Variants in C5 observed in about 807,000 individuals in gnomAD.
C5 encodes complement C5.
In C5, 140 loss-of-function variants were observed where a neutral mutation model predicts 218.8. That is an observed-to-expected ratio of 0.64 (90% CI 0.56 to 0.74). The LOEUF is 0.74. Among genes scored for constraint, C5 ranks in the 30% least tolerant of loss-of-function variants. The pLI is 0.00. For missense variants in C5, 1,700 were observed against 1,969.6 expected, an observed-to-expected ratio of 0.86 and a Z score of 2.59; for synonymous variants, 614 against 682.3, an observed-to-expected ratio of 0.90 and a Z score of 1.56.
intron 35 of C5, 53 bp downstream of exon 35, chr9:120,962,840 T>C: frequency 1.2e-6 from 2 of 1,600,310 alleles, no homozygotes; most frequent in Non-Finnish European, 1.7e-6. Flanking sequence ...TCTTTTAGCC[T>C]GTATATTTTG....
At chr9:120,982,012 T>C (rs1315786674) in intron 26 of C5, 73 bp from the exon 27 acceptor site, 8 of 1,031,188 alleles carry the variant, frequency 7.8e-6, no homozygotes, top group Admixed American at 1.8e-5. Flanking sequence ...TTCTACTCTG[T>C]TTTTTGTTTG....
intron 31 of C5, 79 bp from the exon 32 acceptor site, chr9:120,970,330 G>T: frequency 1.1e-6 from 1 of 881,566 alleles, no homozygotes; most frequent in Non-Finnish European, 1.9e-6. Context: ...CACTGCTGCT[G>T]CAGATGGGAT....
In C5 at chr9:120,962,627, T is replaced by C. The variant is rs528221911; in HGVS notation, c.4504+44A>G. ...GGATTTCTAAATGTTCTGGAAAGAATACAAAGTATTCTTCTGAAGAAATGT... is the reference window on the plus strand; with the variant it reads ...GGATTTCTAAATGTTCTGGAAAGAACACAAAGTATTCTTCTGAAGAAATGT... On this transcript the variant is annotated intron_variant, in intron 36 of 40. Transcript: ENST00000223642. The C allele has an allele frequency of 5.1e-6, 7 of 1,385,376 alleles. No individual in the cohort carries two copies. The African/African-American group carries it at 7.1e-5, about 14-fold the overall frequency. 85.8% of individuals were successfully genotyped at this position (1,385,376 alleles called of 1,614,324 possible).
chr9:120,959,483 ACTC>A, intron 38 of C5, among the ~76,000 whole-genome samples: 1 of 148,600 alleles, frequency 6.7e-6, no homozygotes, highest in Admixed American at 6.7e-5. Context: ...CTGGTCTCAA[ACTC>A]CTGACCTCAG....
At chr9:121,073,511 C>CTTTTTTTTTTTT in the C5 span, among the ~76,000 whole-genome samples, 1 of 73,006 alleles carries the variant, frequency 1.4e-5, no homozygotes, top group Non-Finnish European at 2.6e-5. Flanking sequence ...GAAAACTGGA[C>CTTTTTTTTTTTT]TTTTTTTTTT....
the C5 span, among the ~76,000 whole-genome samples, chr9:121,070,941 C>G: frequency 6.6e-6 from 1 of 152,118 alleles, no homozygotes; most frequent in South Asian, 2.1e-4. Context: ...ATTACTCCAA[C>G]CACTATACAT....
chr9:121,064,090 T>A, the C5 span, among the ~76,000 whole-genome samples: 3 of 152,204 alleles, frequency 2.0e-5, no homozygotes, highest in Non-Finnish European at 4.4e-5. Flanking sequence ...ATTTTACTTA[T>A]TCACTTTGTT....
the C5 span, among the ~76,000 whole-genome samples, chr9:121,055,989 C>T: frequency 6.6e-6 from 1 of 152,212 alleles, no homozygotes; most frequent in Admixed American, 6.5e-5. Context: ...CTTAGATACA[C>T]CAAGGCTGTG....
intron 30 of C5, among the ~76,000 whole-genome samples, chr9:120,972,711 T>C (rs112968914): frequency 6.6e-6 from 1 of 152,204 alleles, no homozygotes; most frequent in Non-Finnish European, 1.5e-5. Flanking sequence ...ACAGGAGAGA[T>C]AATTTTGAGC....
At chr9:121,043,937 T>A (rs2047603276) in intron 2 of C5, among the ~76,000 whole-genome samples, 1 of 152,070 alleles carries the variant, frequency 6.6e-6, no homozygotes, top group South Asian at 2.1e-4. Flanking sequence ...TTTGTAATTA[T>A]CCCCTTTACA....
At chr9:120,986,100 A>C (rs2047030808) in intron 25 of C5, among the ~76,000 whole-genome samples, 1 of 152,142 alleles carries the variant, frequency 6.6e-6, no homozygotes, top group African/African-American at 2.4e-5. Flanking sequence ...CTAGTCTGCC[A>C]TCTCCTTGGG....
At position 120,952,384 on chromosome 9, in the gene C5, T is replaced by C; in HGVS notation, c.*355A>G. On this transcript the variant is annotated 3_prime_UTR_variant, in exon 41 of 41. Coordinates refer to ENST00000223642, the MANE Select transcript of C5 (RefSeq NM_001735.3). The stretch of plus-strand genomic sequence containing the variant: ...TGATCAGTTTCCTGTTCCTTGGTAT[T>C]TTCTTTCAAGCAAAGGCCATGTTTT... The C allele has an allele frequency of 6.7e-6, 2 of 296,368 alleles. No individual in the cohort carries two copies. The highest frequency in any genetic ancestry group is 1.3e-5 in the Non-Finnish European group (2 of 152,286). 18.4% of individuals were successfully genotyped at this position (296,368 alleles called of 1,614,324 possible).
At chr9:120,984,193 A>C (rs1267425629) in intron 25 of C5, among the ~76,000 whole-genome samples, 1 of 113,874 alleles carries the variant, frequency 8.8e-6, no homozygotes, top group Non-Finnish European at 1.8e-5. Flanking sequence ...TAATTGATTT[A>C]ATTATTTTAA....
At chr9:121,008,839 A>C (rs1404932423) in intron 17 of C5, among the ~76,000 whole-genome samples, 2 of 152,160 alleles carry the variant, frequency 1.3e-5, no homozygotes, top group Admixed American at 6.5e-5. Context: ...CTGAGGCACA[A>C]GAATCACTTG....
intron 18 of C5, among the ~76,000 whole-genome samples, chr9:121,007,738 T>G (rs1419769732): frequency 6.6e-6 from 1 of 152,228 alleles, no homozygotes; most frequent in Non-Finnish European, 1.5e-5. Context: ...AGGGTGCAAT[T>G]AATCCAATCA....
At chr9:121,026,415 A>T (rs1025628486) in intron 8 of C5, among the ~76,000 whole-genome samples, 9 of 152,236 alleles carry the variant, frequency 5.9e-5, no homozygotes, top group Admixed American at 5.2e-4. Flanking sequence ...TATAAGGGAA[A>T]TGATTCAGAC....
At chr9:121,021,469 C>A in intron 11 of C5, 40 bp downstream of exon 11, 1 of 1,515,134 alleles carries the variant, frequency 6.6e-7, no homozygotes, top group Non-Finnish European at 9.2e-7. Flanking sequence ...GTCAAGAGTA[C>A]ACATTGTCCT....
chr9:121,010,536 C>A (rs1312299711), intron 17 of C5, among the ~76,000 whole-genome samples: 1 of 152,012 alleles, frequency 6.6e-6, no homozygotes, highest in East Asian at 1.9e-4. Flanking sequence ...TTGGAAGAAT[C>A]AATATTGTTA....
the C5 span, among the ~76,000 whole-genome samples, chr9:121,068,661 A>G: frequency 6.6e-6 from 1 of 152,238 alleles, no homozygotes. Flanking sequence ...AAAGGAACCC[A>G]AATGGCCAAA....
Sources: allele counts gnomAD v4.1 joint callset (sites outside exome capture counted in the v4.1 genomes callset), GRCh38; gene constraint gnomAD v4.1.1; transcripts MANE v1.5; gene names NCBI Gene and HGNC (gene_info 2026-07-23, HGNC 2026-07-21).